Variants in HDAC11 observed in about 807,000 individuals in gnomAD.
HDAC11 encodes histone deacetylase 11.
HDAC11 carries 23 observed loss-of-function variants against 41.1 expected under a neutral mutation model. The observed-to-expected ratio is 0.56, with a 90% CI of 0.40 to 0.79. The LOEUF (loss-of-function observed/expected upper bound fraction) is 0.79, where lower values mean the gene tolerates loss of function less well. HDAC11 is among the 30% of genes least tolerant of loss of function. The probability of loss-of-function intolerance (pLI) is 0.00; values close to 1 mark genes in which losing one functional copy is unlikely to be tolerated. For synonymous variants in HDAC11, 187 were observed against 186.6 expected, an observed-to-expected ratio of 1.00 and a Z score of -0.02; for missense variants, 402 against 477.3, an observed-to-expected ratio of 0.84 and a Z score of 1.47.
chr3:13,487,386 C>T (rs1018157076), intron 3 of HDAC11, among the ~76,000 whole-genome samples: 8 of 152,208 alleles, frequency 5.3e-5, no homozygotes, highest in Non-Finnish European at 7.3e-5. Context: ...CCATTCTACC[C>T]CCAACCCCTG....
intron 3 of HDAC11, among the ~76,000 whole-genome samples, chr3:13,486,979 A>T (rs1191182290): frequency 1.3e-5 from 2 of 152,152 alleles, no homozygotes; most frequent in African/African-American, 4.8e-5. Context: ...GGGAGGCCGG[A>T]TGGAAGGGAA....
In HDAC11 at chr3:13,483,562, A is replaced by G. The variant is rs1701421431; in HGVS notation, c.250A>G (p.Lys84Glu). The change falls in exon 3 of 10, where the codon AAG becomes GAG. Residue 84 changes from lysine (K) to glutamate (E), a missense_variant and splice_region_variant. Physicochemically the swap from Lys to Glu is moderately conservative, Grantham distance 56. Transcript: ENST00000295757. Reference sequence around the variant, plus strand: ...CACGAGGCGCTATCTTAATGAGCTCAAGGTACAGGATGTCGGGCCTGGGGG... The same window carrying G: ...CACGAGGCGCTATCTTAATGAGCTCGAGGTACAGGATGTCGGGCCTGGGGG... ...VHTRRYLNEL[K>E]WSFAVATITE... is the part of the protein sequence containing the mutation. The G allele has an allele frequency of 6.2e-7, 1 of 1,600,404 alleles. No homozygotes were observed. The highest frequency in any genetic ancestry group is 8.6e-7 in the Non-Finnish European group (1 of 1,168,984).
In HDAC11 at chr3:13,498,523, T is replaced by C; in HGVS notation, c.380T>C (p.Leu127Pro). The change falls in exon 5 of 10, where the codon CTG becomes CCG. Residue 127 changes from leucine (L) to proline (P), a missense_variant. Coordinates refer to ENST00000295757, the MANE Select transcript of HDAC11 (RefSeq NM_024827.4). ...QTGGTIMAGKLAVERGWAINV... is the reference protein window; with the variant it reads ...QTGGTIMAGKPAVERGWAINV... Reference sequence around the variant, plus strand: ...TGCTTGTCTCCAAAGGCGGGGAAGCTGGCTGTGGAGCGAGGCTGGGCCATC... The same window carrying C: ...TGCTTGTCTCCAAAGGCGGGGAAGCCGGCTGTGGAGCGAGGCTGGGCCATC... 6.2e-7 allele frequency: 1 copy of C among 1,610,838 alleles called. No homozygotes were observed. The highest frequency in any genetic ancestry group is 8.5e-7 in the Non-Finnish European group (1 of 1,178,454).
Position 13,502,899 on chromosome 3 carries a change from C to T in HDAC11, c.568C>T (p.Arg190Ter), listed in dbSNP as rs199560935. The T allele has an allele frequency of 1.5e-5, 25 of 1,613,180 alleles. No homozygotes were observed. Among genetic ancestry groups the T allele is most frequent in the Non-Finnish European group, 1.9e-5 (23 of 1,179,764 alleles). The change falls in exon 8 of 10, where the codon CGA becomes TGA. Residue 190 changes from arginine to a stop codon, truncating the protein, a stop_gained. Coordinates refer to ENST00000295757, the MANE Select transcript of HDAC11 (RefSeq NM_024827.4). LOFTEE classifies it high-confidence loss of function. This position sits in a 1 kb window ranked among gnomAD's most constrained non-coding sequence, Gnocchi z 4.1. ...CTCCCCACAGGGCAATGGGCATGAG[C>T]GAGACTTCATGGACGACAAGCGTGT... is the stretch of plus-strand genomic sequence containing the variant. ...LDAHQGNGHE[R>*]DFMDDKRVYI...
rs950165591 is a variant in HDAC11, at chr3:13,495,806, C to T, written c.253-930C>T. Among the ~76,000 whole-genome samples the T allele has an allele frequency of 3.3e-5, 5 of 152,206 alleles. No individual in the cohort carries two copies. The South Asian group carries it at 1.0e-3, about 31-fold the overall frequency. The stretch of plus-strand genomic sequence containing the variant: ...CTTGACCTCTGCATCTGGATAACTC[C>T]TATTCACTCTTCACCTCCTGCAAAT... On this transcript the variant is annotated intron_variant, in intron 3 of 9. Transcript: ENST00000295757.
rs375275523 is a variant in HDAC11 at position 13,502,811 on chromosome 3, G to T, written c.553-73G>T. 4.3e-6 allele frequency: 5 copies of T among 1,161,834 alleles called. No homozygotes were observed. The East Asian group carries it at 9.5e-5, about 22-fold the overall frequency. The allele number at this position is 1,161,834 out of a possible 1,614,324, so 72.0% of individuals were successfully genotyped here. A position where few individuals can be genotyped will look rare whatever the true frequency, so the allele number is the denominator to read the frequency against. ...CTGGCAAATGGGGAGTTTCCTGAGG[G>T]GTGGGTGGGTGGCAGAGCCCCAGCC... is the stretch of plus-strand genomic sequence containing the variant. On this transcript the variant is annotated intron_variant, in intron 7 of 9. Transcript: ENST00000295757. The surrounding 1 kb of genome is among the most constrained non-coding windows in gnomAD (Gnocchi z 4.1).
chr3:13,483,158 C>A (rs1701401155), intron 2 of HDAC11, among the ~76,000 whole-genome samples: 1 of 152,032 alleles, frequency 6.6e-6, no homozygotes, highest in South Asian at 2.1e-4. Context: ...ACATCCCTGA[C>A]CCTTGTGCCA....
intron 4 of HDAC11, among the ~76,000 whole-genome samples, chr3:13,497,238 G>T (rs1290744427): frequency 6.6e-6 from 1 of 151,788 alleles, no homozygotes; most frequent in Non-Finnish European, 1.5e-5. Context: ...GAGTGCAGTG[G>T]TGTGATCTTG....
In HDAC11 at chr3:13,504,685, C is replaced by T. The variant is rs763638226; in HGVS notation, c.*2C>T. On this transcript the variant is annotated 3_prime_UTR_variant, in exon 10 of 10. Transcript: ENST00000295757. ...CTGCTTCCCCCTGCAGTGCCCTGAC[C>T]CTTGCTGCCCTGCCTGTCACGTGGC... The T allele has an allele frequency of 3.7e-6, 6 of 1,612,062 alleles. No homozygotes were observed. Among genetic ancestry groups the T allele is most frequent in the Non-Finnish European group, 1.7e-6 (2 of 1,178,688 alleles).
intron 2 of HDAC11, among the ~76,000 whole-genome samples, chr3:13,481,814 C>T (rs1005846100): frequency 3.9e-5 from 6 of 152,176 alleles, no homozygotes. Flanking sequence ...CACCCAATTC[C>T]AGTCCAGTCC....
intron 3 of HDAC11, among the ~76,000 whole-genome samples, chr3:13,485,339 G>A (rs2125000015): frequency 6.6e-6 from 1 of 152,370 alleles, no homozygotes; most frequent in African/African-American, 2.4e-5. Flanking sequence ...TGGCTGCCCT[G>A]GTTTCCTGGG....
At chr3:13,482,462 A>C (rs768017585) in intron 2 of HDAC11, among the ~76,000 whole-genome samples, 2 of 152,204 alleles carry the variant, frequency 1.3e-5, no homozygotes, top group Admixed American at 1.3e-4. Flanking sequence ...AGGCCATGCC[A>C]CACTGAGCCT....
In HDAC11 at chr3:13,504,566, C is replaced by T; in HGVS notation, c.927C>T (p.Ala309=). The change falls in exon 10 of 10, where the codon GCC becomes GCT. Residue 309 remains alanine (A), a synonymous_variant. Transcript: ENST00000295757. ...CAGGCGGGTACCAGAAGCGCACAGC[C>T]CGCATCATTGCTGACTCCATACTTA... ...VTSGGYQKRT[A]RIIADSILNL... The T allele has an allele frequency of 6.2e-7, 1 of 1,613,702 alleles. No individual in the cohort carries two copies. The highest frequency in any genetic ancestry group is 8.5e-7 in the Non-Finnish European group (1 of 1,180,038).
At position 13,498,438 on chromosome 3, in the gene HDAC11, G is replaced by T. The variant is rs372709845; in HGVS notation, c.370-75G>T. On this transcript the variant is annotated intron_variant, in intron 4 of 9. Transcript: ENST00000295757. ...TGGCTAGAAGCAGTGTTTATGGAAT[G>T]AGTGCATGAATCAGTGAATGAATGA... The T allele has an allele frequency of 9.5e-5, 148 of 1,561,716 alleles. No individual in the cohort carries two copies. In the African/African-American group the frequency reaches 1.8e-3, roughly 19 times the overall value.
chr3:13,504,755 G>A lies in HDAC11; in HGVS notation c.*72G>A. 2 of 1,335,840 alleles carry A rather than the reference G, an allele frequency of 1.5e-6. No individual in the cohort carries two copies. Among genetic ancestry groups the A allele is most frequent in the Non-Finnish European group, 2.1e-6 (2 of 944,130 alleles). 82.7% of individuals were successfully genotyped at this position (1,335,840 alleles called of 1,614,324 possible). A position where few individuals can be genotyped will look rare whatever the true frequency, so the allele number is the denominator to read the frequency against. On this transcript the variant is annotated 3_prime_UTR_variant, in exon 10 of 10. Transcript: ENST00000295757. The stretch of plus-strand genomic sequence containing the variant: ...GTGCTTTTTGTTTTCTAACCTCATG[G>A]GGTGGTGGAGGCAGCCTTCAGTGAG...
chr3:13,497,012 T>C (rs866230378), intron 4 of HDAC11, among the ~76,000 whole-genome samples, 160 bp downstream of exon 4: 2 of 152,120 alleles, frequency 1.3e-5, no homozygotes, highest in Non-Finnish European at 2.9e-5. Context: ...CCAAAAGCCT[T>C]TTTTCCCCAT....
At chr3:13,495,889 C>T (rs1260043141) in intron 3 of HDAC11, among the ~76,000 whole-genome samples, 2 of 152,240 alleles carry the variant, frequency 1.3e-5, no homozygotes, top group Non-Finnish European at 2.9e-5. Context: ...TCTTCATCAC[C>T]ACACTCATCA....
In HDAC11 at chr3:13,505,995, A is replaced by G. The variant is rs1305044224; in HGVS notation, c.*1312A>G. The G allele has an allele frequency of 1.3e-5, 2 of 152,210 alleles. No homozygotes were observed. The highest frequency in any genetic ancestry group is 1.9e-4 in the East Asian group (1 of 5,190). The allele number at this position is 152,210 out of a possible 1,614,324, so 9.4% of individuals were successfully genotyped here. On this transcript the variant is annotated 3_prime_UTR_variant, in exon 10 of 10. Transcript: ENST00000295757. Reference sequence around the variant, plus strand: ...CCCCTACGGGACTTGTGTTCATTACAGTGAGGGGGTGCTCCCACTGTCTCC... The same window carrying G: ...CCCCTACGGGACTTGTGTTCATTACGGTGAGGGGGTGCTCCCACTGTCTCC...
At chr3:13,491,750 G>A (rs565740089) in intron 3 of HDAC11, among the ~76,000 whole-genome samples, 23 of 152,372 alleles carry the variant, frequency 1.5e-4, no homozygotes, top group African/African-American at 5.5e-4. Context: ...GGCCCTGATA[G>A]CTGGCTACAT....
Sources: gnomAD v4.1 joint callset for allele counts (sites outside exome capture counted in the v4.1 genomes callset) on GRCh38, gnomAD v4.1.1 for gene constraint, Gnocchi (gnomAD v3.1) non-coding constraint, MANE v1.5 for transcripts, NCBI Gene and HGNC (gene_info 2026-07-23, HGNC 2026-07-21) for gene names.